The following RBFOX1 variants were observed in gnomAD, a reference collection of about 807,000 sequenced individuals.
RBFOX1 encodes the protein RNA binding fox-1 homolog 1.
A neutral mutation model predicts 57.7 loss-of-function variants in RBFOX1; 8 were observed. That is an observed-to-expected ratio of 0.14 (90% CI 0.08 to 0.25). RBFOX1 has a LOEUF of 0.25. Ranked by LOEUF, RBFOX1 falls within the 10% of genes least tolerant of loss-of-function variation. RBFOX1 has a pLI of 1.00. For synonymous variants in RBFOX1, 326 were observed against 222.4 expected, an observed-to-expected ratio of 1.47 and a Z score of -4.15; for missense variants, 611 against 548.5, an observed-to-expected ratio of 1.11 and a Z score of -1.14.
At chr16:7,274,961 G>A (rs1476542460) in intron 4 of RBFOX1, among the ~76,000 whole-genome samples, 3 of 152,118 alleles carry the variant, frequency 2.0e-5, no homozygotes, top group Non-Finnish European at 4.4e-5. Flanking sequence ...TGGAATTAGA[G>A]GTGTGAGTCA....
chr16:5,449,767 C>T (rs7189099), intron 1 of RBFOX1, among the ~76,000 whole-genome samples: 25,826 of 151,966 alleles, frequency 0.17, 2,488 homozygotes, highest in South Asian at 0.29. Flanking sequence ...TGCCACCATG[C>T]CTGGCTAATT....
chr16:6,130,394 A>G (rs550904812), intron 1 of RBFOX1, among the ~76,000 whole-genome samples: 1 of 152,298 alleles, frequency 6.6e-6, no homozygotes, highest in South Asian at 2.1e-4. Flanking sequence ...AATGAATAGA[A>G]TATAGCTTTA....
chr16:7,150,845 G>C (rs2075972037), intron 4 of RBFOX1, among the ~76,000 whole-genome samples: 1 of 152,168 alleles, frequency 6.6e-6, no homozygotes. Flanking sequence ...AGAAAAGTTA[G>C]TTAATGATGT....
At chr16:5,983,950 C>A (rs570571068) in intron 4 of RBFOX1, among the ~76,000 whole-genome samples, 1 of 143,764 alleles carries the variant, frequency 7.0e-6, no homozygotes, top group Admixed American at 7.0e-5. Context: ...CCTCTTCCTC[C>A]TCTTCTTCTT....
At chr16:7,345,549 A>C (rs1438642467) in intron 4 of RBFOX1, among the ~76,000 whole-genome samples, 2 of 152,148 alleles carry the variant, frequency 1.3e-5, no homozygotes, top group Non-Finnish European at 2.9e-5. Context: ...CAGAGGGCCT[A>C]AGATTTGTGT....
At chr16:6,066,018 A>C (rs938416363) in intron 1 of RBFOX1, among the ~76,000 whole-genome samples, 1 of 152,110 alleles carries the variant, frequency 6.6e-6, no homozygotes, top group Non-Finnish European at 1.5e-5. Context: ...TAGTATTAAG[A>C]GGTATAATTG....
intron 2 of RBFOX1, among the ~76,000 whole-genome samples, chr16:6,579,609 C>T (rs754616904): frequency 2.0e-5 from 3 of 152,126 alleles, no homozygotes; most frequent in African/African-American, 7.2e-5. Context: ...TGTTTGCTTC[C>T]CCTTCCGCCA....
intron 2 of RBFOX1, among the ~76,000 whole-genome samples, chr16:6,521,940 T>A (rs2096507988): frequency 6.6e-6 from 1 of 152,164 alleles, no homozygotes; most frequent in South Asian, 2.1e-4. Context: ...AATACTTCTT[T>A]TGCAGGGCTC....
At chr16:5,651,162 C>T (rs932283246) in intron 3 of RBFOX1, among the ~76,000 whole-genome samples, 1 of 144,116 alleles carries the variant, frequency 6.9e-6, no homozygotes, top group Non-Finnish European at 1.5e-5. Context: ...AAGCGATTCT[C>T]CTGCTTCAGC....
chr16:7,232,911 A>T (rs893019596), intron 4 of RBFOX1, among the ~76,000 whole-genome samples: 4 of 151,708 alleles, frequency 2.6e-5, no homozygotes, highest in African/African-American at 9.7e-5. Flanking sequence ...CTAGCACATG[A>T]TGTTAGCAAA....
intron 2 of RBFOX1, among the ~76,000 whole-genome samples, chr16:6,609,217 A>G (rs562687133): frequency 1.3e-5 from 2 of 152,340 alleles, no homozygotes; most frequent in East Asian, 1.9e-4. Context: ...TTCCACAGCC[A>G]CTTTATAGAT....
At chr16:6,823,307 A>G (rs995602606) in intron 3 of RBFOX1, among the ~76,000 whole-genome samples, 1 of 149,502 alleles carries the variant, frequency 6.7e-6, no homozygotes, top group Admixed American at 6.7e-5. Flanking sequence ...CCGTGGCTGG[A>G]GTGCAATGGC....
intron 3 of RBFOX1, among the ~76,000 whole-genome samples, chr16:6,766,628 C>T (rs768555080): frequency 6.6e-6 from 1 of 151,910 alleles, no homozygotes; most frequent in Non-Finnish European, 1.5e-5. Flanking sequence ...CAAGCTAGTG[C>T]TACCAAGGAG....
intron 4 of RBFOX1, among the ~76,000 whole-genome samples, chr16:7,157,538 A>C (rs914883401): frequency 2.0e-5 from 3 of 152,142 alleles, no homozygotes; most frequent in Non-Finnish European, 4.4e-5. Context: ...AGTGAACACC[A>C]ACCATGGGGC....
intron 4 of RBFOX1, among the ~76,000 whole-genome samples, chr16:7,198,779 C>T (rs1326318887): frequency 1.3e-5 from 2 of 152,174 alleles, no homozygotes; most frequent in Non-Finnish European, 2.9e-5. Context: ...TCTTACTGGG[C>T]CTCACCTCCC....
chr16:6,555,786 G>T (rs1383379910), intron 2 of RBFOX1, among the ~76,000 whole-genome samples: 1 of 152,162 alleles, frequency 6.6e-6, no homozygotes, highest in African/African-American at 2.4e-5. Flanking sequence ...GCACTTGTGT[G>T]TAGTTGCATT....
intron 4 of RBFOX1, among the ~76,000 whole-genome samples, chr16:5,991,436 C>T (rs1373455367): frequency 6.6e-6 from 1 of 152,112 alleles, no homozygotes; most frequent in East Asian, 1.9e-4. Context: ...GTCACTGCAG[C>T]TTTGTGCTGG....
intron 4 of RBFOX1, among the ~76,000 whole-genome samples, chr16:7,128,909 C>A (rs981659104): frequency 6.6e-6 from 1 of 150,814 alleles, no homozygotes; most frequent in Non-Finnish European, 1.5e-5. Flanking sequence ...CAACCTCCGC[C>A]TCCTGGGTTC....
chr16:5,986,904 C>G (rs950209964), intron 4 of RBFOX1, among the ~76,000 whole-genome samples: 1 of 152,110 alleles, frequency 6.6e-6, no homozygotes, highest in Non-Finnish European at 1.5e-5. Flanking sequence ...GTACAACTGC[C>G]GGATCGTGTG....
Sources: allele counts gnomAD v4.1 joint callset (sites outside exome capture counted in the v4.1 genomes callset), GRCh38; gene constraint gnomAD v4.1.1; transcripts MANE v1.5; gene names NCBI Gene and HGNC (gene_info 2026-07-23, HGNC 2026-07-21).